The following SEPHS1 variants were observed in gnomAD, a reference collection of about 807,000 sequenced individuals.
The protein encoded by SEPHS1 is selenophosphate synthetase 1.
In SEPHS1, 7 loss-of-function variants were observed where a neutral mutation model predicts 39.2. The observed-to-expected ratio is 0.18, with a 90% CI of 0.10 to 0.34. The LOEUF (loss-of-function observed/expected upper bound fraction) is 0.34. Among genes scored for constraint, SEPHS1 ranks in the 10% least tolerant of loss-of-function variants. The probability of loss-of-function intolerance (pLI) is 1.00; values close to 1 mark genes in which losing one functional copy is unlikely to be tolerated. For missense variants in SEPHS1, 253 were observed against 514.5 expected (o/e 0.49, Z 4.92); for synonymous variants, 190 against 195.5 (o/e 0.97, Z 0.23).
Position 13,333,846 on chromosome 10 carries a change from G to A in SEPHS1, c.531C>T (p.Thr177=). 6.2e-7 allele frequency: 1 copy of A among 1,613,854 alleles called. No homozygotes were observed. The highest frequency in any genetic ancestry group is 8.5e-7 in the Non-Finnish European group (1 of 1,179,964). ...TAAATTCATTGGGTTGGCAGACAGTGGTAGCCACTCCTCCCAGGACAATCC... is the reference window on the plus strand; with the variant it reads ...TAAATTCATTGGGTTGGCAGACAGTAGTAGCCACTCCTCCCAGGACAATCC... ...NPWIVLGGVA[T]TVCQPNEFIM... The change falls in exon 5 of 9, where the codon ACC becomes ACT. Residue 177 remains threonine (T), a synonymous_variant. Transcript: ENST00000327347.
At chr10:13,321,217 G>GT (rs1833103797) in intron 8 of SEPHS1, among the ~76,000 whole-genome samples, 2 of 151,352 alleles carry the variant, frequency 1.3e-5, no homozygotes, top group Admixed American at 1.3e-4. Flanking sequence ...GGATCCCACC[G>GT]TTTTTGGGAG....
chr10:13,347,860 G>A (rs1291550562), intron 1 of SEPHS1, 140 bp downstream of exon 1: 3 of 145,688 alleles, frequency 2.1e-5, no homozygotes, highest in African/African-American at 7.4e-5. Flanking sequence ...CTCCAGGCAG[G>A]GCTGGCGGGG....
At chr10:13,346,610 A>T (rs768559925) in intron 1 of SEPHS1, among the ~76,000 whole-genome samples, 20 of 150,734 alleles carry the variant, frequency 1.3e-4, no homozygotes, top group Admixed American at 4.7e-4. Flanking sequence ...TCTTAGAGTT[A>T]TGGGAAAGTT....
At chr10:13,321,647 G>A (rs1162946290) in intron 8 of SEPHS1, among the ~76,000 whole-genome samples, 1 of 152,204 alleles carries the variant, frequency 6.6e-6, no homozygotes, top group Admixed American at 6.5e-5. Context: ...AAAACAGGGA[G>A]ACTTAAAAGA....
chr10:13,338,899 A>G (rs752905324), intron 2 of SEPHS1, 91 bp from the exon 3 acceptor site: 1 of 948,106 alleles, frequency 1.1e-6, no homozygotes, highest in East Asian at 2.4e-5. Flanking sequence ...AAGAGCTCAT[A>G]AGATACTTAT....
At chr10:13,338,952 G>A in intron 2 of SEPHS1, 144 bp from the exon 3 acceptor site, 1 of 665,484 alleles carries the variant, frequency 1.5e-6, no homozygotes, top group Non-Finnish European at 2.7e-6. Context: ...TTCCTATCAA[G>A]AAGCGTAACT....
intron 7 of SEPHS1, among the ~76,000 whole-genome samples, chr10:13,325,409 G>A (rs1245337066): frequency 2.6e-5 from 4 of 152,088 alleles, no homozygotes; most frequent in Non-Finnish European, 4.4e-5. Context: ...TCATGAGGGC[G>A]GTTTCCCTCG....
At chr10:13,320,473 A>G (rs1322874744) in intron 8 of SEPHS1, among the ~76,000 whole-genome samples, 3 of 151,630 alleles carry the variant, frequency 2.0e-5, no homozygotes, top group South Asian at 4.2e-4. Flanking sequence ...GAGCCACTGC[A>G]CCGGGCCAAA....
intron 4 of SEPHS1, among the ~76,000 whole-genome samples, chr10:13,335,757 A>T (rs1208414682): frequency 1.2e-4 from 19 of 152,022 alleles, no homozygotes; most frequent in Non-Finnish European, 1.5e-5. Context: ...AGATAGGTGG[A>T]TTACCTGAGG....
intron 2 of SEPHS1, 44 bp from the exon 3 acceptor site, chr10:13,338,852 A>T: frequency 7.0e-7 from 1 of 1,432,416 alleles, no homozygotes; most frequent in Non-Finnish European, 9.9e-7. Flanking sequence ...AAAACGGGAA[A>T]GCCATTTCAT....
Position 13,319,026 on chromosome 10 carries a change from A to G in SEPHS1, c.*116T>C, listed in dbSNP as rs1833024083. 1 of 1,021,584 alleles carries G rather than the reference A, an allele frequency of 9.8e-7. No homozygotes were observed. The highest frequency in any genetic ancestry group is 1.4e-5 in the South Asian group (1 of 69,244). The allele number at this position is 1,021,584 out of a possible 1,614,324, so 63.3% of individuals were successfully genotyped here. A position where few individuals can be genotyped will look rare whatever the true frequency, so the allele number is the denominator to read the frequency against. On this transcript the variant is annotated 3_prime_UTR_variant, in exon 9 of 9. Transcript: ENST00000327347. Reference sequence around the variant, plus strand: ...ATTGTATCCACTTACAAACCGACCTAAGGTCACCCCGATGTGTAGACACAA... The same window carrying G: ...ATTGTATCCACTTACAAACCGACCTGAGGTCACCCCGATGTGTAGACACAA...
At chr10:13,321,686 G>A (rs1208913886) in intron 8 of SEPHS1, among the ~76,000 whole-genome samples, 1 of 152,232 alleles carries the variant, frequency 6.6e-6, no homozygotes, top group Non-Finnish European at 1.5e-5. Flanking sequence ...AGGGAACAAA[G>A]GGGGCAAAAG....
At chr10:13,336,857 G>C (rs1187704373) in intron 3 of SEPHS1, among the ~76,000 whole-genome samples, 1 of 152,178 alleles carries the variant, frequency 6.6e-6, no homozygotes, top group African/African-American at 2.4e-5. Flanking sequence ...ATTAAGAAAT[G>C]TTTGCAGCTT....
At chr10:13,338,106 A>C (rs1009406612) in intron 3 of SEPHS1, among the ~76,000 whole-genome samples, 1 of 152,212 alleles carries the variant, frequency 6.6e-6, no homozygotes, top group Admixed American at 6.5e-5. Flanking sequence ...AACACACCTC[A>C]GCAGTGTATC....
At chr10:13,337,149 TAAAC>T (rs1376058926) in intron 3 of SEPHS1, among the ~76,000 whole-genome samples, 1 of 150,066 alleles carries the variant, frequency 6.7e-6, no homozygotes, top group Non-Finnish European at 1.5e-5. Flanking sequence ...AGACTGTCAA[TAAAC>T]AACAACAAAA....
intron 8 of SEPHS1, among the ~76,000 whole-genome samples, chr10:13,321,091 C>A (rs953782876): frequency 6.6e-6 from 1 of 152,070 alleles, no homozygotes; most frequent in Non-Finnish European, 1.5e-5. Context: ...CTCGCCACAG[C>A]ACAGGTCGAC....
intron 8 of SEPHS1, among the ~76,000 whole-genome samples, chr10:13,320,441 A>T (rs939826065): frequency 6.6e-6 from 1 of 150,988 alleles, no homozygotes; most frequent in African/African-American, 2.4e-5. Flanking sequence ...TTGGCCTCCC[A>T]AAGTGCTGGG....
At chr10:13,325,026 G>A (rs531469790) in intron 7 of SEPHS1, among the ~76,000 whole-genome samples, 2 of 152,216 alleles carry the variant, frequency 1.3e-5, no homozygotes, top group East Asian at 3.9e-4. Flanking sequence ...TTATTATTGA[G>A]TTTTAAGAGT....
chr10:13,332,480 T>C (rs1484736086), intron 5 of SEPHS1, among the ~76,000 whole-genome samples: 2 of 152,158 alleles, frequency 1.3e-5, no homozygotes, highest in Non-Finnish European at 2.9e-5. Context: ...ACCAACACAT[T>C]GTGTACTTCA....
Sources: allele counts gnomAD v4.1 joint callset (sites outside exome capture counted in the v4.1 genomes callset), GRCh38; gene constraint gnomAD v4.1.1; transcripts MANE v1.5; gene names NCBI Gene and HGNC (gene_info 2026-07-23, HGNC 2026-07-21).